The following COLEC10 variants were observed in gnomAD, a reference collection of about 807,000 sequenced individuals.
COLEC10 encodes the protein collectin-10.
In COLEC10, 22 loss-of-function variants were observed where a neutral mutation model predicts 28.4. The observed-to-expected ratio is 0.78, with a 90% CI of 0.55 to 1.11. COLEC10 has a LOEUF of 1.11. Ranked by LOEUF, COLEC10 falls within the 50% of genes least tolerant of loss-of-function variation. COLEC10 has a pLI of 0.00. For synonymous variants in COLEC10, 125 were observed against 116.1 expected (o/e 1.08, Z -0.49); for missense variants, 361 against 344.1 (o/e 1.05, Z -0.39).
the COLEC10 span, among the ~76,000 whole-genome samples, chr8:118,953,009 G>T: frequency 1.3e-5 from 2 of 152,188 alleles, no homozygotes; most frequent in African/African-American, 4.8e-5. Context: ...GGCAAATACT[G>T]CCTTTCACCA....
At chr8:119,089,846 C>G (rs1437804350) in intron 2 of COLEC10, 95 bp downstream of exon 2, 6 of 923,068 alleles carry the variant, frequency 6.5e-6, no homozygotes, top group Non-Finnish European at 1.0e-5. Context: ...TTTCATAATG[C>G]CCTCTGCCCC....
chr8:119,102,621 T>G, intron 4 of COLEC10: 1 of 446,720 alleles, frequency 2.2e-6, no homozygotes. Context: ...ATCCCTGCCA[T>G]GCTTACTATG....
At position 119,034,388 on chromosome 8, in the gene COLEC10, C is replaced by T. The variant is rs552693546; in HGVS notation, n.235+24835C>T. On this transcript the variant is annotated intron_variant and non_coding_transcript_variant, in intron 2 of 6. Coordinates refer to the COLEC10 transcript ENST00000521788. ...CTACGTAACAAACCTGCACATTCTG[C>T]GCATGTATCCCAGAACTTACAGTAT... Among the ~76,000 whole-genome samples, 79 of 150,514 alleles carry T rather than the reference C, an allele frequency of 5.2e-4. 1 individual carries two copies. The highest frequency in any genetic ancestry group is 2.1e-3 in the Admixed American group (31 of 15,096).
At chr8:118,961,085 A>G in the COLEC10 span, among the ~76,000 whole-genome samples, 1 of 152,198 alleles carries the variant, frequency 6.6e-6, no homozygotes, top group African/African-American at 2.4e-5. Context: ...TTTAACCAAT[A>G]AAACATTATT....
chr8:119,036,246 T>G (rs1814387830), intron 2 of COLEC10, among the ~76,000 whole-genome samples: 1 of 152,186 alleles, frequency 6.6e-6, no homozygotes, highest in South Asian at 2.1e-4. Flanking sequence ...TAATTATATG[T>G]ATATTATTTC....
At chr8:119,091,595 G>GAGAA (rs200954056) in intron 3 of COLEC10, among the ~76,000 whole-genome samples, 6,035 of 138,282 alleles carry the variant, frequency 0.044, 169 homozygotes, top group Admixed American at 0.058. Flanking sequence ...GAGAGAGAGA[G>GAGAA]AGAAAGAAAG....
chr8:119,024,238 G>A (rs16891872), intron 2 of COLEC10, among the ~76,000 whole-genome samples: 6,680 of 152,192 alleles, frequency 0.044, 212 homozygotes, highest in East Asian at 0.16. Flanking sequence ...ACCATTCATA[G>A]AACATTCCTT....
chr8:119,085,150 GCA>G (rs1815447287), intron 1 of COLEC10, among the ~76,000 whole-genome samples: 3 of 152,196 alleles, frequency 2.0e-5, no homozygotes, highest in African/African-American at 7.2e-5. Flanking sequence ...CCAAGGCAGT[GCA>G]CTCTCTTTGC....
At chr8:118,999,501 G>T (rs1351711666) in intron 1 of COLEC10, among the ~76,000 whole-genome samples, 1 of 151,510 alleles carries the variant, frequency 6.6e-6, no homozygotes, top group East Asian at 2.0e-4. Context: ...TGAGGCAGGA[G>T]AATTGCTTGA....
chr8:119,042,234 G>C (rs1359825391), intron 2 of COLEC10, among the ~76,000 whole-genome samples: 1 of 151,810 alleles, frequency 6.6e-6, no homozygotes, highest in Non-Finnish European at 1.5e-5. Context: ...CTGACCTCAG[G>C]TAATCTTCCC....
At chr8:118,966,405 A>G in the COLEC10 span, among the ~76,000 whole-genome samples, 1 of 152,192 alleles carries the variant, frequency 6.6e-6, no homozygotes, top group African/African-American at 2.4e-5. Context: ...AACGAAAAGA[A>G]TATTACATTC....
At chr8:119,000,709 A>T (rs981734699) in intron 1 of COLEC10, among the ~76,000 whole-genome samples, 1 of 152,180 alleles carries the variant, frequency 6.6e-6, no homozygotes, top group Non-Finnish European at 1.5e-5. Context: ...TAGTATGTAA[A>T]CTGGAATAAT....
chr8:119,062,823 A>T (rs888969333), upstream of COLEC10: 5 of 152,210 alleles, frequency 3.3e-5, no homozygotes, highest in African/African-American at 1.2e-4. Flanking sequence ...TTTGAAATGT[A>T]AAAAAGAAAT....
chr8:119,050,989 G>T (rs551948949), intron 2 of COLEC10, among the ~76,000 whole-genome samples: 2 of 152,186 alleles, frequency 1.3e-5, no homozygotes, highest in African/African-American at 4.8e-5. Flanking sequence ...TAGAGCAAAA[G>T]AGAAAAGTGA....
intron 2 of COLEC10, among the ~76,000 whole-genome samples, chr8:119,039,927 A>G (rs1173884508): frequency 6.6e-6 from 1 of 152,162 alleles, no homozygotes; most frequent in Non-Finnish European, 1.5e-5. Context: ...TTGCTACTTT[A>G]GTTCCACCTG....
At chr8:119,101,896 T>C (rs2130304685) in intron 3 of COLEC10, among the ~76,000 whole-genome samples, 1 of 152,242 alleles carries the variant, frequency 6.6e-6, no homozygotes, top group African/African-American at 2.4e-5. Context: ...TGCTAACAAA[T>C]TGATCGAGAT....
intron 1 of COLEC10, among the ~76,000 whole-genome samples, chr8:119,073,648 T>C (rs1192749994): frequency 6.6e-6 from 1 of 152,106 alleles, no homozygotes; most frequent in Non-Finnish European, 1.5e-5. Context: ...TAAGAAGGCA[T>C]TTCAAGTTTA....
chr8:118,973,021 C>T, the COLEC10 span, among the ~76,000 whole-genome samples: 770 of 151,966 alleles, frequency 5.1e-3, 7 homozygotes, highest in East Asian at 0.041. Flanking sequence ...ATGGGGGTAA[C>T]GACCCCCATG....
intron 1 of COLEC10, among the ~76,000 whole-genome samples, chr8:119,075,262 G>A (rs1013959939): frequency 6.6e-6 from 1 of 152,194 alleles, no homozygotes; most frequent in African/African-American, 2.4e-5. Context: ...TTAGCATGGA[G>A]TGGTTAGACT....
Sources: allele counts gnomAD v4.1 joint callset (sites outside exome capture counted in the v4.1 genomes callset), GRCh38; gene constraint gnomAD v4.1.1; transcripts MANE v1.5; gene names NCBI Gene and HGNC (gene_info 2026-07-23, HGNC 2026-07-21).